PITPNC1: variants seen among roughly 807,000 people sequenced by gnomAD.
PITPNC1 encodes phosphatidylinositol transfer protein cytoplasmic 1.
Under a neutral mutation model 44.7 loss-of-function variants are expected in PITPNC1, and 18 were observed. The observed-to-expected ratio is 0.40, with a 90% CI of 0.28 to 0.60. The LOEUF (loss-of-function observed/expected upper bound fraction) is 0.60. Ranked by LOEUF, PITPNC1 falls within the 20% of genes least tolerant of loss-of-function variation. The probability of loss-of-function intolerance (pLI) is 0.39; values close to 1 mark genes in which losing one functional copy is unlikely to be tolerated. For missense variants in PITPNC1, 290 were observed against 418.4 expected, an observed-to-expected ratio of 0.69 and a Z score of 2.68; for synonymous variants, 141 against 149.6, an observed-to-expected ratio of 0.94 and a Z score of 0.42.
At chr17:67,575,854 C>T (rs1407722262) in intron 4 of PITPNC1, among the ~76,000 whole-genome samples, 2 of 72,156 alleles carry the variant, frequency 2.8e-5, no homozygotes, top group Non-Finnish European at 5.2e-5. Flanking sequence ...TTCTTTCTTT[C>T]TTTCCTTCCT....
At chr17:67,675,578 C>T in intron 8 of PITPNC1, 36 bp downstream of exon 8, 2 of 1,403,796 alleles carry the variant, frequency 1.4e-6, no homozygotes, top group Non-Finnish European at 2.0e-6. Flanking sequence ...TGTAGAACAA[C>T]TTCATGTTGT....
intron 5 of PITPNC1, among the ~76,000 whole-genome samples, chr17:67,610,679 T>G (rs1734616778): frequency 6.6e-6 from 1 of 151,894 alleles, no homozygotes; most frequent in Admixed American, 6.6e-5. Flanking sequence ...TCACAGCACT[T>G]TGGGAGGCCG....
chr17:67,608,269 AC>A (rs926103506), intron 5 of PITPNC1, among the ~76,000 whole-genome samples: 4 of 142,646 alleles, frequency 2.8e-5, no homozygotes, highest in Middle Eastern at 3.5e-3. Flanking sequence ...AAAAAAAAAA[AC>A]CACTTCCTAA....
chr17:67,539,238 C>A (rs1240402299), intron 2 of PITPNC1, among the ~76,000 whole-genome samples: 1 of 152,182 alleles, frequency 6.6e-6, no homozygotes, highest in Non-Finnish European at 1.5e-5. Context: ...GATACCACCT[C>A]TTTAGAGAGC....
intron 1 of PITPNC1, among the ~76,000 whole-genome samples, chr17:67,497,223 CTT>C (rs1195584947): frequency 7.0e-5 from 10 of 143,022 alleles, no homozygotes; most frequent in Admixed American, 7.0e-5. Flanking sequence ...TATAAACCTC[CTT>C]TTTTTTTTTT....
intron 6 of PITPNC1, among the ~76,000 whole-genome samples, chr17:67,668,683 G>A (rs558936272): frequency 2.0e-5 from 3 of 152,240 alleles, no homozygotes; most frequent in Non-Finnish European, 4.4e-5. Flanking sequence ...CTAACACAGT[G>A]AAACCCCGTC....
At chr17:67,407,207 T>A (rs147913730) in intron 1 of PITPNC1, among the ~76,000 whole-genome samples, 1 of 152,196 alleles carries the variant, frequency 6.6e-6, no homozygotes, top group East Asian at 1.9e-4. Context: ...GCCATTCTAG[T>A]AGGTGTGAAG....
intron 1 of PITPNC1, among the ~76,000 whole-genome samples, chr17:67,442,161 T>A (rs187705124): frequency 1.2e-4 from 17 of 141,038 alleles, no homozygotes; most frequent in African/African-American, 4.1e-4. Context: ...TTGATTGCAC[T>A]GCCCTGCCAA....
At chr17:67,659,853 C>T (rs1371999090) in intron 6 of PITPNC1, among the ~76,000 whole-genome samples, 2 of 152,124 alleles carry the variant, frequency 1.3e-5, no homozygotes, top group African/African-American at 4.8e-5. Flanking sequence ...GAAACCATCA[C>T]CACAATCTAT....
chr17:67,686,496 C>G (rs2042818606), intron 8 of PITPNC1, among the ~76,000 whole-genome samples: 1 of 151,950 alleles, frequency 6.6e-6, no homozygotes. Flanking sequence ...TCAGTATAGA[C>G]CTGCACTCTC....
At chr17:67,450,360 C>T (rs2039157839) in intron 1 of PITPNC1, among the ~76,000 whole-genome samples, 1 of 140,240 alleles carries the variant, frequency 7.1e-6, no homozygotes, top group Non-Finnish European at 1.6e-5. Flanking sequence ...CCTGAAGGTG[C>T]ACGGGAGACT....
intron 1 of PITPNC1, among the ~76,000 whole-genome samples, chr17:67,384,293 T>A (rs1331176704): frequency 6.6e-6 from 1 of 152,188 alleles, no homozygotes; most frequent in Non-Finnish European, 1.5e-5. Context: ...CCAGTGCACT[T>A]CATCCAGGCA....
intron 2 of PITPNC1, among the ~76,000 whole-genome samples, chr17:67,550,024 C>T (rs961613721): frequency 6.6e-6 from 1 of 152,118 alleles, no homozygotes; most frequent in Non-Finnish European, 1.5e-5. Context: ...GCACGCGAGC[C>T]AGTGTAATTT....
intron 5 of PITPNC1, among the ~76,000 whole-genome samples, chr17:67,630,249 C>A (rs1187758225): frequency 6.6e-6 from 1 of 152,226 alleles, no homozygotes. Context: ...ACTGTTGATT[C>A]CCTCCAGGAA....
In PITPNC1 at chr17:67,517,380, G is replaced by A. The variant is rs565556528; in HGVS notation, c.49-15422G>A. On this transcript the variant is annotated intron_variant, in intron 1 of 8. Coordinates refer to ENST00000581322, the MANE Select transcript of PITPNC1 (RefSeq NM_012417.4). ...GGAAAGTCTGACAGTTCCTCAAATG[G>A]TCAAACATGTTGTTACCATGTGACC... is the stretch of plus-strand genomic sequence containing the variant. Among the ~76,000 whole-genome samples, 28 of 152,308 alleles carry A rather than the reference G, an allele frequency of 1.8e-4. No homozygotes were observed. The South Asian group carries it at 4.4e-3, about 24-fold the overall frequency.
At chr17:67,633,708 C>A (rs1426670984) in intron 6 of PITPNC1, among the ~76,000 whole-genome samples, 2 of 152,268 alleles carry the variant, frequency 1.3e-5, no homozygotes, top group Non-Finnish European at 2.9e-5. Flanking sequence ...CCACAGAAAT[C>A]CTATAGTTTC....
At chr17:67,542,924 A>G (rs976783619) in intron 2 of PITPNC1, among the ~76,000 whole-genome samples, 1 of 152,222 alleles carries the variant, frequency 6.6e-6, no homozygotes, top group African/African-American at 2.4e-5. Context: ...AATTATTATC[A>G]CTAAGCAAAG....
chr17:67,486,964 C>T (rs758495241), intron 1 of PITPNC1, among the ~76,000 whole-genome samples: 4 of 151,574 alleles, frequency 2.6e-5, no homozygotes, highest in Non-Finnish European at 5.9e-5. Flanking sequence ...ACCTGGGAGG[C>T]GGAGGTTGCA....
chr17:67,648,021 G>T (rs1335697318), intron 6 of PITPNC1, among the ~76,000 whole-genome samples: 2 of 152,180 alleles, frequency 1.3e-5, no homozygotes, highest in Non-Finnish European at 2.9e-5. Context: ...GCTCAAATAA[G>T]TTTGAAATCT....
Sources: gnomAD v4.1 joint callset for allele counts (sites outside exome capture counted in the v4.1 genomes callset) on GRCh38, gnomAD v4.1.1 for gene constraint, MANE v1.5 for transcripts, NCBI Gene and HGNC (gene_info 2026-07-23, HGNC 2026-07-21) for gene names.